Variants in INTS8 observed in about 807,000 individuals in gnomAD.
The protein encoded by INTS8 is protein kaonashi-1.
In INTS8, 47 loss-of-function variants were observed where a neutral mutation model predicts 138.9. That is an observed-to-expected ratio of 0.34 (90% CI 0.27 to 0.43). INTS8 has a LOEUF of 0.43. INTS8 is among the 20% of genes least tolerant of loss of function. The pLI is 1.00. For synonymous variants in INTS8, 392 were observed against 400.9 expected, an observed-to-expected ratio of 0.98 and a Z score of 0.27; for missense variants, 996 against 1,173.0, an observed-to-expected ratio of 0.85 and a Z score of 2.20.
intron 10 of INTS8, among the ~76,000 whole-genome samples, chr8:94,848,303 G>A (rs565999404): frequency 4.6e-4 from 70 of 152,078 alleles, no homozygotes; most frequent in African/African-American, 1.6e-3. Flanking sequence ...AGGAGCCACC[G>A]CACCAAGCCT....
intron 1 of INTS8, among the ~76,000 whole-genome samples, chr8:94,823,887 G>A (rs1375361420): frequency 6.6e-6 from 1 of 152,246 alleles, no homozygotes; most frequent in African/African-American, 2.4e-5. Context: ...GGGTCGGGGA[G>A]GCTGACCAGA....
chr8:94,854,948 T>A (rs6471498), intron 14 of INTS8, among the ~76,000 whole-genome samples: 110,155 of 148,400 alleles, frequency 0.74, 40,998 homozygotes, highest in Middle Eastern at 0.79. Context: ...ATCTCCTTAT[T>A]TTGCCCAGGC....
At chr8:94,834,414 A>T (rs1814847289) in intron 6 of INTS8, among the ~76,000 whole-genome samples, 2 of 147,328 alleles carry the variant, frequency 1.4e-5, no homozygotes, top group East Asian at 3.9e-4. Context: ...TTGCTCTTTT[A>T]GTATCCCTTT....
At chr8:94,847,926 T>C (rs1433251257) in intron 10 of INTS8, among the ~76,000 whole-genome samples, 1 of 152,078 alleles carries the variant, frequency 6.6e-6, no homozygotes, top group Non-Finnish European at 1.5e-5. Flanking sequence ...GTATAATACA[T>C]ACTCCAAGAT....
chr8:94,866,921 A>G, intron 18 of INTS8: 1 of 477,578 alleles, frequency 2.1e-6, no homozygotes, highest in South Asian at 4.3e-5. Flanking sequence ...CCAAACATTT[A>G]TGCTAATTTT....
At chr8:94,843,252 A>G (rs1459318090) in intron 10 of INTS8, among the ~76,000 whole-genome samples, 1 of 152,200 alleles carries the variant, frequency 6.6e-6, no homozygotes, top group Admixed American at 6.6e-5. Context: ...TTGTATATAA[A>G]TAACAATTTT....
intron 16 of INTS8, chr8:94,864,877 C>G (rs1420472070): frequency 6.6e-6 from 1 of 152,222 alleles, no homozygotes; most frequent in Non-Finnish European, 1.5e-5. Flanking sequence ...TGCCTTAATT[C>G]TACCTCCTCA....
At chr8:94,862,594 C>T (rs1234878204) in intron 16 of INTS8, among the ~76,000 whole-genome samples, 1 of 152,180 alleles carries the variant, frequency 6.6e-6, no homozygotes, top group Non-Finnish European at 1.5e-5. Context: ...TCACTGCTTC[C>T]TGCAGTTCCC....
rs748463684 is a variant in INTS8 at position 94,823,543 on chromosome 8, C to A, written c.112C>A (p.Leu38Met). ...GGAGGAGTCACTGTTGGAGAAACAT[C>A]TGCGCAAGCCCTGCCCGGGTGAGCG... ...LLEESLLEKH[L>M]RKPCPDPAPV... Residue 38 changes from leucine to methionine, a missense_variant, in exon 1 of 27, where the codon CTG (leucine) becomes ATG (methionine). Transcript: ENST00000523731. 2 of 1,578,490 alleles carry A rather than the reference C, an allele frequency of 1.3e-6. No individual in the cohort carries two copies. Among genetic ancestry groups the A allele is most frequent in the Admixed American group, 3.7e-5 (2 of 54,666 alleles).
rs376955151 is a variant in INTS8 at position 94,845,855 on chromosome 8, C to T, written c.1260+3367C>T. Among the ~76,000 whole-genome samples, 23 of 152,202 alleles carry T rather than the reference C, an allele frequency of 1.5e-4. 2 individuals carry two copies. The highest frequency in any genetic ancestry group is 1.2e-3 in the East Asian group (6 of 5,184). On this transcript the variant is annotated intron_variant, in intron 10 of 26. Coordinates refer to ENST00000523731, the MANE Select transcript of INTS8 (RefSeq NM_017864.4). ...TTTGGAATTACATTAAATTTAGAAG[C>T]CAGTTTAGAAAGAAATTATGTCTCT...
chr8:94,873,620 A>G, intron 22 of INTS8, 143 bp downstream of exon 22: 2 of 628,446 alleles, frequency 3.2e-6, no homozygotes, highest in East Asian at 2.7e-5. Context: ...TGCTCTGTGT[A>G]TTTTCATTGT....
At chr8:94,826,795 A>G (rs780108062) in intron 2 of INTS8, among the ~76,000 whole-genome samples, 1 of 152,160 alleles carries the variant, frequency 6.6e-6, no homozygotes, top group Non-Finnish European at 1.5e-5. Flanking sequence ...TTTTCATAAT[A>G]AAAAGTTTTA....
intron 14 of INTS8, among the ~76,000 whole-genome samples, chr8:94,855,740 G>A (rs1815722611): frequency 6.6e-6 from 1 of 152,118 alleles, no homozygotes. Context: ...ATATTTAGGA[G>A]GTAAAATCTG....
At chr8:94,841,899 C>G (rs1815147710) in intron 9 of INTS8, among the ~76,000 whole-genome samples, 1 of 152,100 alleles carries the variant, frequency 6.6e-6, no homozygotes, top group Non-Finnish European at 1.5e-5. Flanking sequence ...GAAACCCCGT[C>G]TCTACCAAAA....
chr8:94,823,626 T>A, intron 1 of INTS8, 65 bp downstream of exon 1: 1 of 1,306,578 alleles, frequency 7.7e-7, no homozygotes, highest in Non-Finnish European at 1.0e-6. Context: ...CCAGCTTCCC[T>A]CCGCTCCCCG....
At chr8:94,866,433 C>T in intron 18 of INTS8, 1 of 467,710 alleles carries the variant, frequency 2.1e-6, no homozygotes. Flanking sequence ...ACTGGGACTA[C>T]AGGCACATGT....
rs1381376743 is a variant in INTS8, at chr8:94,876,098, A to G, written c.2713A>G (p.Arg905Gly). ...TQVAILCQFLREIDYKTAFKS... is the reference protein window; with the variant it reads ...TQVAILCQFLGEIDYKTAFKS... Reference sequence around the variant, plus strand: ...GGTGGCCATTTTATGTCAGTTCCTCAGAGAAATTGACTACAAAACAGCGTT... The same window carrying G: ...GGTGGCCATTTTATGTCAGTTCCTCGGAGAAATTGACTACAAAACAGCGTT... The change falls in exon 24 of 27, where the codon AGA becomes GGA. Residue 905 changes from arginine (R) to glycine (G), a missense_variant. By Grantham distance (125) the Arg-to-Gly change is moderately radical. Coordinates refer to ENST00000523731, the MANE Select transcript of INTS8 (RefSeq NM_017864.4). 1.2e-6 allele frequency: 2 copies of G among 1,609,888 alleles called. No homozygotes were observed. The highest frequency in any genetic ancestry group is 1.7e-5 in the Admixed American group (1 of 60,008).
chr8:94,825,910 G>A (rs1814482352), intron 2 of INTS8, among the ~76,000 whole-genome samples: 2 of 151,902 alleles, frequency 1.3e-5, no homozygotes, highest in Admixed American at 6.6e-5. Context: ...CCTATATACT[G>A]TTTTTATTCC....
At chr8:94,844,026 C>CTTTTTTTTT (rs539302253) in intron 10 of INTS8, among the ~76,000 whole-genome samples, 133 of 139,102 alleles carry the variant, frequency 9.6e-4, no homozygotes, top group Non-Finnish European at 1.5e-3. Flanking sequence ...TAGAGTTCTG[C>CTTTTTTTTT]TTTTTTTTTT....
Sources: gnomAD v4.1 joint callset for allele counts (sites outside exome capture counted in the v4.1 genomes callset) on GRCh38, gnomAD v4.1.1 for gene constraint, MANE v1.5 for transcripts, NCBI Gene and HGNC (gene_info 2026-07-23, HGNC 2026-07-21) for gene names.